CAST: variants seen among roughly 807,000 people sequenced by gnomAD.
The protein encoded by CAST is calpastatin.
CAST carries 76 observed loss-of-function variants against 119.6 expected under a neutral mutation model. The ratio of observed to expected loss-of-function variants is 0.64; its 90% confidence interval spans 0.53 to 0.77. The LOEUF (loss-of-function observed/expected upper bound fraction) is 0.77, where lower values mean the gene tolerates loss of function less well. Among genes scored for constraint, CAST ranks in the 30% least tolerant of loss-of-function variants. The probability of loss-of-function intolerance (pLI) is 0.00; values close to 1 mark genes in which losing one functional copy is unlikely to be tolerated. For synonymous variants in CAST, 319 were observed against 331.6 expected, an observed-to-expected ratio of 0.96 and a Z score of 0.41; for missense variants, 953 against 946.5, an observed-to-expected ratio of 1.01 and a Z score of -0.09.
At chr5:96,623,392 A>G (rs577901677) in intron 1 of CAST, among the ~76,000 whole-genome samples, 89 of 152,316 alleles carry the variant, frequency 5.8e-4, no homozygotes, top group African/African-American at 2.1e-3. Context: ...AGCCAATAAT[A>G]ATAATAGCTG....
chr5:96,444,419 A>G, the CAST span, among the ~76,000 whole-genome samples: 1 of 152,198 alleles, frequency 6.6e-6, no homozygotes, highest in East Asian at 1.9e-4. Flanking sequence ...AAATTGAATT[A>G]TTCTCTCATT....
At chr5:96,477,552 T>C in the CAST span, among the ~76,000 whole-genome samples, 2 of 152,216 alleles carry the variant, frequency 1.3e-5, no homozygotes, top group Non-Finnish European at 2.9e-5. Context: ...TTTTGACCCA[T>C]AGTGCTTCAA....
the CAST span, among the ~76,000 whole-genome samples, chr5:96,478,362 A>G: frequency 6.6e-6 from 1 of 152,266 alleles, no homozygotes; most frequent in Non-Finnish European, 1.5e-5. Context: ...GAAATAGTCC[A>G]CCGACATTGT....
chr5:96,121,365 T>C, the CAST span, among the ~76,000 whole-genome samples: 11 of 152,216 alleles, frequency 7.2e-5, no homozygotes, highest in Admixed American at 2.6e-4. Context: ...GCTAGGACTA[T>C]TAAATAGGAC....
the CAST span, among the ~76,000 whole-genome samples, chr5:96,223,567 A>T: frequency 6.6e-6 from 1 of 152,288 alleles, no homozygotes; most frequent in East Asian, 1.9e-4. Flanking sequence ...GAATCTTTGG[A>T]GGGACCATGG....
the CAST span, among the ~76,000 whole-genome samples, chr5:96,167,222 A>G: frequency 6.6e-6 from 1 of 152,214 alleles, no homozygotes; most frequent in African/African-American, 2.4e-5. Flanking sequence ...TTACTTTAAG[A>G]GTTAAGAGTG....
the CAST span, among the ~76,000 whole-genome samples, chr5:96,183,027 T>A: frequency 6.6e-6 from 1 of 151,824 alleles, no homozygotes; most frequent in Non-Finnish European, 1.5e-5. Context: ...TAGTCCCAGC[T>A]CCTCGGGAGG....
At chr5:96,163,827 G>A in the CAST span, among the ~76,000 whole-genome samples, 1 of 152,154 alleles carries the variant, frequency 6.6e-6, no homozygotes, top group African/African-American at 2.4e-5. Flanking sequence ...CCATAAAACT[G>A]TTGCGAGGAT....
intron 1 of CAST, among the ~76,000 whole-genome samples, chr5:96,542,961 G>A (rs1378607200): frequency 6.6e-6 from 1 of 152,160 alleles, no homozygotes; most frequent in African/African-American, 2.4e-5. Flanking sequence ...CAACCATTGT[G>A]GAAGACAGTA....
intron 3 of CAST, among the ~76,000 whole-genome samples, chr5:96,716,261 GT>G (rs1158022883): frequency 2.0e-5 from 3 of 152,170 alleles, no homozygotes; most frequent in Non-Finnish European, 4.4e-5. Context: ...GCAGCTCAGG[GT>G]TTTGCGTATA....
chr5:96,173,399 C>T, the CAST span, among the ~76,000 whole-genome samples: 1 of 152,072 alleles, frequency 6.6e-6, no homozygotes, highest in Non-Finnish European at 1.5e-5. Flanking sequence ...AAACAATTTG[C>T]AAAAAGTACA....
the CAST span, among the ~76,000 whole-genome samples, chr5:96,127,382 G>T: frequency 2.8e-4 from 42 of 152,178 alleles, no homozygotes; most frequent in Non-Finnish European, 2.4e-4. Flanking sequence ...GACAGGTGGT[G>T]TTCATTTTAA....
At chr5:96,424,347 T>A in the CAST span, among the ~76,000 whole-genome samples, 1 of 152,084 alleles carries the variant, frequency 6.6e-6, no homozygotes, top group East Asian at 1.9e-4. Flanking sequence ...GTACACAGAT[T>A]GTTGGCCAAA....
At chr5:96,429,432 A>G in the CAST span, 4 of 648,760 alleles carry the variant, frequency 6.2e-6, no homozygotes, top group South Asian at 5.3e-5. Flanking sequence ...CATTCCTGGT[A>G]TCTGAAATTA....
At chr5:96,452,117 T>C in the CAST span, among the ~76,000 whole-genome samples, 1 of 152,172 alleles carries the variant, frequency 6.6e-6, no homozygotes, top group African/African-American at 2.4e-5. Context: ...GAAATACCAT[T>C]TGACCCAGCA....
the CAST span, among the ~76,000 whole-genome samples, chr5:96,304,150 C>A: frequency 6.6e-6 from 1 of 152,138 alleles, no homozygotes; most frequent in African/African-American, 2.4e-5. Context: ...TTCTAACTGG[C>A]GAGAGATGGT....
At chr5:96,552,110 T>C (rs1422081235) in intron 1 of CAST, among the ~76,000 whole-genome samples, 1 of 152,164 alleles carries the variant, frequency 6.6e-6, no homozygotes, top group African/African-American at 2.4e-5. Flanking sequence ...ATCAACAGAA[T>C]ATACTTTCTT....
the CAST span, among the ~76,000 whole-genome samples, chr5:95,969,441 T>C: frequency 3.3e-5 from 5 of 152,198 alleles, no homozygotes; most frequent in Non-Finnish European, 5.9e-5. Context: ...ATGGGGAAAG[T>C]AAGCGGGGAG....
the CAST span, among the ~76,000 whole-genome samples, chr5:96,199,223 CTCA>C: frequency 2.0e-5 from 3 of 152,008 alleles, no homozygotes; most frequent in Non-Finnish European, 4.4e-5. Context: ...ATGGATATAT[CTCA>C]TCATTTTATT....
Sources: gnomAD v4.1 joint callset for allele counts (sites outside exome capture counted in the v4.1 genomes callset) on GRCh38, gnomAD v4.1.1 for gene constraint, MANE v1.5 for transcripts, NCBI Gene and HGNC (gene_info 2026-07-23, HGNC 2026-07-21) for gene names.